The following SLC9A9 variants were observed in gnomAD, a reference collection of about 807,000 sequenced individuals.
SLC9A9 encodes solute carrier family 9 member A9.
SLC9A9 carries 62 observed loss-of-function variants against 77.8 expected under a neutral mutation model. That is an observed-to-expected ratio of 0.80 (90% confidence interval 0.65 to 0.98). The LOEUF (loss-of-function observed/expected upper bound fraction) is 0.98. SLC9A9 is among the 50% of genes least tolerant of loss of function. The pLI is 0.00. For synonymous variants in SLC9A9, 320 were observed against 283.5 expected, an observed-to-expected ratio of 1.13 and a Z score of -1.29; for missense variants, 775 against 774.9, an observed-to-expected ratio of 1.00 and a Z score of 0.00.
chr3:143,285,554 C>T (rs1212939241), intron 14 of SLC9A9, among the ~76,000 whole-genome samples: 1 of 152,160 alleles, frequency 6.6e-6, no homozygotes, highest in Non-Finnish European at 1.5e-5. Context: ...CTCAGTGCAG[C>T]ATGATCCCTT....
At chr3:143,479,873 T>C (rs532575968) in intron 11 of SLC9A9, among the ~76,000 whole-genome samples, 147 of 152,362 alleles carry the variant, frequency 9.6e-4, no homozygotes, top group Non-Finnish European at 1.7e-3. Flanking sequence ...AGGTGTGAGA[T>C]TGAGTCCTAT....
At chr3:143,822,272 T>G (rs6806661) in intron 2 of SLC9A9, among the ~76,000 whole-genome samples, 92,157 of 152,030 alleles carry the variant, frequency 0.61, 29,385 homozygotes, top group Non-Finnish European at 0.7. Context: ...CTTGATGAAC[T>G]TCCTGCTCAC....
chr3:143,805,328 G>T (rs756809057), intron 2 of SLC9A9, among the ~76,000 whole-genome samples: 9 of 151,812 alleles, frequency 5.9e-5, no homozygotes, highest in Non-Finnish European at 8.8e-5. Flanking sequence ...TTCACTCTAG[G>T]TTCCCACACT....
intron 14 of SLC9A9, among the ~76,000 whole-genome samples, chr3:143,342,694 T>G (rs2032142144): frequency 1.3e-5 from 2 of 152,174 alleles, no homozygotes; most frequent in Non-Finnish European, 2.9e-5. Flanking sequence ...CAAACCACTG[T>G]GGGCACCATA....
chr3:143,520,803 T>C (rs1261290307), intron 9 of SLC9A9, among the ~76,000 whole-genome samples: 1 of 152,216 alleles, frequency 6.6e-6, no homozygotes, highest in Non-Finnish European at 1.5e-5. Context: ...CTAGTAGTTG[T>C]GGTTTAATTT....
At chr3:143,546,434 T>C (rs1311389964) in intron 9 of SLC9A9, among the ~76,000 whole-genome samples, 1 of 152,354 alleles carries the variant, frequency 6.6e-6, no homozygotes, top group Non-Finnish European at 1.5e-5. Context: ...CCATCCCAAC[T>C]TGTATTTGTA....
At chr3:143,795,217 A>G in intron 3 of SLC9A9, 140 bp from the exon 4 acceptor site, 1 of 474,336 alleles carries the variant, frequency 2.1e-6, no homozygotes, top group Non-Finnish European at 3.9e-6. Context: ...TCCTGGCCTT[A>G]TTGTGCTAAT....
chr3:143,675,533 G>T (rs1576651812), intron 5 of SLC9A9, among the ~76,000 whole-genome samples: 1 of 152,290 alleles, frequency 6.6e-6, no homozygotes, highest in East Asian at 1.9e-4. Flanking sequence ...TCAAGCACTT[G>T]GGATTCTTAG....
chr3:143,303,474 T>A (rs558482080), intron 14 of SLC9A9, among the ~76,000 whole-genome samples: 1 of 151,830 alleles, frequency 6.6e-6, no homozygotes, highest in African/African-American at 2.4e-5. Context: ...TGCTATCCAA[T>A]ATTGCTGGTG....
chr3:143,570,258 A>G (rs2037236630), intron 8 of SLC9A9, among the ~76,000 whole-genome samples: 1 of 152,196 alleles, frequency 6.6e-6, no homozygotes, highest in South Asian at 2.1e-4. Flanking sequence ...ACCTGTAATT[A>G]AAAAAGCTTC....
At chr3:143,313,925 G>T (rs2031112074) in intron 14 of SLC9A9, among the ~76,000 whole-genome samples, 1 of 152,148 alleles carries the variant, frequency 6.6e-6, no homozygotes, top group Non-Finnish European at 1.5e-5. Flanking sequence ...AAGTGATCAG[G>T]CCAGGTGCAG....
intron 9 of SLC9A9, among the ~76,000 whole-genome samples, chr3:143,511,823 T>C (rs1176053392): frequency 1.3e-5 from 2 of 152,228 alleles, no homozygotes; most frequent in Admixed American, 6.5e-5. Context: ...TTTATCTGCA[T>C]CTATACATAA....
chr3:143,353,128 A>T (rs1210447887), intron 14 of SLC9A9, among the ~76,000 whole-genome samples: 1 of 152,144 alleles, frequency 6.6e-6, no homozygotes, highest in Non-Finnish European at 1.5e-5. Context: ...AAAGTCCTTC[A>T]CACTCTCAAC....
intron 2 of SLC9A9, among the ~76,000 whole-genome samples, chr3:143,800,386 T>C (rs1428417297): frequency 6.6e-6 from 1 of 152,164 alleles, no homozygotes; most frequent in African/African-American, 2.4e-5. Flanking sequence ...ATTTTACCTG[T>C]CCCAAAACCA....
chr3:143,657,514 C>T (rs1010668458), intron 5 of SLC9A9, among the ~76,000 whole-genome samples: 2 of 152,150 alleles, frequency 1.3e-5, no homozygotes, highest in African/African-American at 4.8e-5. Context: ...CAGGAAGATC[C>T]TCAAGGTCAA....
chr3:143,335,980 A>G (rs776886598), intron 14 of SLC9A9, among the ~76,000 whole-genome samples: 3 of 152,192 alleles, frequency 2.0e-5, no homozygotes, highest in Non-Finnish European at 4.4e-5. Flanking sequence ...AAAGGCAACC[A>G]ATGGAATGGA....
intron 12 of SLC9A9, among the ~76,000 whole-genome samples, chr3:143,398,899 T>C (rs2033788262): frequency 6.6e-6 from 1 of 152,158 alleles, no homozygotes; most frequent in Non-Finnish European, 1.5e-5. Context: ...AACCTTATTT[T>C]CATTTGGAGC....
chr3:143,785,140 C>T (rs1482045120), intron 4 of SLC9A9, among the ~76,000 whole-genome samples: 2 of 152,202 alleles, frequency 1.3e-5, no homozygotes, highest in Non-Finnish European at 2.9e-5. Context: ...TATGCCTACC[C>T]TTTTGCAATG....
chr3:143,477,031 A>G (rs1175676722), intron 11 of SLC9A9, among the ~76,000 whole-genome samples: 1 of 152,228 alleles, frequency 6.6e-6, no homozygotes, highest in African/African-American at 2.4e-5. Flanking sequence ...TTCCTACTGC[A>G]GAGGGGTATT....
Sources: allele counts gnomAD v4.1 joint callset (sites outside exome capture counted in the v4.1 genomes callset), GRCh38; gene constraint gnomAD v4.1.1; transcripts MANE v1.5; gene names NCBI Gene and HGNC (gene_info 2026-07-23, HGNC 2026-07-21).